Variants in SYT6 observed in about 807,000 individuals in gnomAD.
SYT6 encodes synaptotagmin 6, also known as synaptotagmin-6.
In SYT6, 24 loss-of-function variants were observed where a neutral mutation model predicts 38.4. The observed-to-expected ratio is 0.62, with a 90% CI of 0.45 to 0.88. The LOEUF is 0.88. Among genes scored for constraint, SYT6 ranks in the 40% least tolerant of loss-of-function variants. SYT6 has a pLI of 0.00. For missense variants in SYT6, 611 were observed against 621.0 expected, an observed-to-expected ratio of 0.98 and a Z score of 0.17; for synonymous variants, 265 against 241.9, an observed-to-expected ratio of 1.10 and a Z score of -0.89.
chr1:114,142,508 T>C (rs1284651247), intron 1 of SYT6, among the ~76,000 whole-genome samples: 1 of 152,186 alleles, frequency 6.6e-6, no homozygotes, highest in Non-Finnish European at 1.5e-5. Flanking sequence ...ATTGCTGAAA[T>C]GACCACAAAG....
At chr1:114,149,240 T>TGTGTGTGTGTGCGCGCGCGTGTG (rs369263313) in intron 1 of SYT6, among the ~76,000 whole-genome samples, 2 of 146,888 alleles carry the variant, frequency 1.4e-5, no homozygotes, top group African/African-American at 2.6e-5. Flanking sequence ...TGTGTGTGTG[T>TGTGTGTGTGTGCGCGCGCGTGTG]TGGGAGAACA....
At chr1:114,122,257 T>C (rs980289630) in intron 3 of SYT6, among the ~76,000 whole-genome samples, 2 of 152,224 alleles carry the variant, frequency 1.3e-5, no homozygotes, top group Non-Finnish European at 2.9e-5. Flanking sequence ...GGTTTTATTA[T>C]AATCACACTT....
At chr1:114,119,653 C>T (rs1677253781) in intron 3 of SYT6, among the ~76,000 whole-genome samples, 1 of 152,202 alleles carries the variant, frequency 6.6e-6, no homozygotes, top group Non-Finnish European at 1.5e-5. Flanking sequence ...ACCTCAGCCA[C>T]CATGCCAAGC....
In SYT6 at chr1:114,091,460, G is replaced by A. The variant is rs1675296875; in HGVS notation, c.*674C>T. On this transcript the variant is annotated 3_prime_UTR_variant, in exon 8 of 8. Coordinates refer to ENST00000610222, the MANE Select transcript of SYT6 (RefSeq NM_001253772.2). ...CTCACAAGCGCCTCAGAGGTCTTGT[G>A]ATTTCAACACGGGACTGAGGGTCCC... 1 of 152,392 alleles carries A rather than the reference G, an allele frequency of 6.6e-6. No homozygotes were observed. The highest frequency in any genetic ancestry group is 1.5e-5 in the Non-Finnish European group (1 of 68,070). The allele number at this position is 152,392 out of a possible 1,614,324, so 9.4% of individuals were successfully genotyped here.
chr1:114,102,994 C>G (rs907520837), intron 4 of SYT6, among the ~76,000 whole-genome samples: 1 of 152,208 alleles, frequency 6.6e-6, no homozygotes, highest in Non-Finnish European at 1.5e-5. Flanking sequence ...TTTCCTCTGT[C>G]GCTAGAATAA....
chr1:114,115,956 AT>A (rs923398501), intron 3 of SYT6, among the ~76,000 whole-genome samples: 46 of 151,912 alleles, frequency 3.0e-4, no homozygotes, highest in African/African-American at 1.0e-3. Flanking sequence ...GTCCCTGGTT[AT>A]TGAGGGTTAG....
intron 1 of SYT6, among the ~76,000 whole-genome samples, chr1:114,143,609 C>A (rs1368572121): frequency 6.7e-6 from 1 of 149,544 alleles, no homozygotes; most frequent in Non-Finnish European, 1.5e-5. Context: ...ACTGGGAAAC[C>A]AAAAAATTTG....
intron 5 of SYT6, among the ~76,000 whole-genome samples, chr1:114,098,201 C>T (rs1350888608): frequency 6.6e-6 from 1 of 152,212 alleles, no homozygotes; most frequent in Admixed American, 6.5e-5. Flanking sequence ...ACATTACAAC[C>T]TCACTGAGAC....
At chr1:114,126,426 T>A (rs969814417) in intron 3 of SYT6, among the ~76,000 whole-genome samples, 2 of 152,208 alleles carry the variant, frequency 1.3e-5, no homozygotes, top group South Asian at 4.1e-4. Flanking sequence ...TCTAGGAAAC[T>A]GCATTCCCTT....
At chr1:114,128,191 TG>T (rs1304726480) in intron 3 of SYT6, among the ~76,000 whole-genome samples, 1 of 152,222 alleles carries the variant, frequency 6.6e-6, no homozygotes, top group Admixed American at 6.5e-5. Context: ...GGGGCTTCCG[TG>T]TAACCCTGAT....
Position 114,139,716 on chromosome 1 carries a change from C to G in SYT6, c.411G>C (p.Thr137=). Residue 137 remains threonine, a synonymous_variant, in exon 2 of 8, where the codon ACG becomes ACC. Coordinates refer to ENST00000610222, the MANE Select transcript of SYT6 (RefSeq NM_001253772.2). The part of the protein sequence containing the change: ...FLEAAVKISH[T]SPDIPAEVQM... Reference sequence around the variant, plus strand: ...GCACCTCAGCTGGGATATCTGGGGACGTGTGGCTGATCTTCACGGCCGCCT... The same window carrying G: ...GCACCTCAGCTGGGATATCTGGGGAGGTGTGGCTGATCTTCACGGCCGCCT... 1 of 1,614,148 alleles carries G rather than the reference C, an allele frequency of 6.2e-7. No homozygotes were observed. The highest frequency in any genetic ancestry group is 8.5e-7 in the Non-Finnish European group (1 of 1,180,026).
chr1:114,115,980 C>A (rs1452837461), intron 3 of SYT6, among the ~76,000 whole-genome samples: 2 of 152,078 alleles, frequency 1.3e-5, no homozygotes, highest in Non-Finnish European at 2.9e-5. Context: ...CTGCCGAGGA[C>A]CGTGTAGGTT....
intron 3 of SYT6, among the ~76,000 whole-genome samples, chr1:114,108,162 T>TA (rs1388302825): frequency 1.3e-5 from 2 of 152,186 alleles, no homozygotes; most frequent in Non-Finnish European, 1.5e-5. Flanking sequence ...ATCTGTCCTT[T>TA]AGTGCAACTT....
At position 114,092,095 on chromosome 1, in the gene SYT6, G is replaced by A. The variant is rs1040759762; in HGVS notation, c.*52-13C>T. On this transcript the variant is annotated splice_polypyrimidine_tract_variant and intron_variant, in intron 7 of 7. Coordinates refer to ENST00000610222, the MANE Select transcript of SYT6 (RefSeq NM_001253772.2). ...CTCGGCCCTGCCACTGCAAAGAGGA[G>A]AACAATCTGTTTATTAATTGCTAAA... is the stretch of plus-strand genomic sequence containing the variant. 4.9e-5 allele frequency: 75 copies of A among 1,535,782 alleles called. No individual in the cohort carries two copies. In the East Asian group the frequency reaches 1.5e-3, roughly 31 times the overall value.
chr1:114,116,277 G>A (rs556311842), intron 3 of SYT6, among the ~76,000 whole-genome samples: 20 of 152,172 alleles, frequency 1.3e-4, no homozygotes, highest in Non-Finnish European at 2.8e-4. Flanking sequence ...TCAGGGGAAG[G>A]AGGGAGGGGG....
At chr1:114,123,511 C>T (rs888201503) in intron 3 of SYT6, among the ~76,000 whole-genome samples, 6 of 152,168 alleles carry the variant, frequency 3.9e-5, no homozygotes, top group Non-Finnish European at 7.3e-5. Flanking sequence ...AAGTGCAAAG[C>T]CTTTTGGGGG....
At chr1:114,111,361 T>C (rs546240555) in intron 3 of SYT6, among the ~76,000 whole-genome samples, 5 of 152,220 alleles carry the variant, frequency 3.3e-5, no homozygotes, top group African/African-American at 1.2e-4. Flanking sequence ...GGAGAGGTTA[T>C]GCAAGTGGCC....
At chr1:114,097,051 T>C (rs1177186375) in intron 6 of SYT6, among the ~76,000 whole-genome samples, 1 of 152,148 alleles carries the variant, frequency 6.6e-6, no homozygotes, top group Admixed American at 6.5e-5. Flanking sequence ...TTCTTTGCAG[T>C]TGAGGGAGAA....
At chr1:114,126,658 A>G (rs1198392794) in intron 3 of SYT6, among the ~76,000 whole-genome samples, 2 of 152,364 alleles carry the variant, frequency 1.3e-5, no homozygotes, top group African/African-American at 2.4e-5. Context: ...TTGTTGATGC[A>G]TGAGCTTGTT....
Sources: allele counts gnomAD v4.1 joint callset (sites outside exome capture counted in the v4.1 genomes callset), GRCh38; gene constraint gnomAD v4.1.1; transcripts MANE v1.5; gene names NCBI Gene and HGNC (gene_info 2026-07-23, HGNC 2026-07-21).